The following SPINK9 variants were observed in gnomAD, a reference collection of about 807,000 sequenced individuals.
SPINK9 encodes serine peptidase inhibitor Kazal type 9.
A neutral mutation model predicts 10.8 loss-of-function variants in SPINK9; 3 were observed. That is an observed-to-expected ratio of 0.28 (90% confidence interval 0.13 to 0.72). The LOEUF (loss-of-function observed/expected upper bound fraction) is 0.72, where lower values mean the gene tolerates loss of function less well. Ranked by LOEUF, SPINK9 falls within the 30% of genes least tolerant of loss-of-function variation. The pLI is 0.74. For synonymous variants in SPINK9, 30 were observed against 31.2 expected, an observed-to-expected ratio of 0.96 and a Z score of 0.12; for missense variants, 101 against 103.2, an observed-to-expected ratio of 0.98 and a Z score of 0.09.
At chr5:148,335,215 C>G (rs1757200699), upstream of SPINK9, among the ~76,000 whole-genome samples, 1 of 152,156 alleles carries the variant, frequency 6.6e-6, no homozygotes, top group African/African-American at 2.4e-5. Flanking sequence ...ATTCAAATGA[C>G]TCATGGTTTA....
intron 2 of SPINK9, among the ~76,000 whole-genome samples, chr5:148,324,466 G>T (rs1020197641): frequency 1.3e-5 from 2 of 152,000 alleles, no homozygotes; most frequent in African/African-American, 4.8e-5. Context: ...ATTAATGATA[G>T]GCAAATCAAC....
At chr5:148,323,632 C>T in intron 1 of SPINK9, 2 of 526,026 alleles carry the variant, frequency 3.8e-6, no homozygotes. Flanking sequence ...AACTTGCCGT[C>T]ATATGAATGT....
At position 148,339,698 on chromosome 5, in the gene SPINK9, T is replaced by G; in HGVS notation, c.247T>G (p.Phe83Val). 1 of 1,612,600 alleles carries G rather than the reference T, an allele frequency of 6.2e-7. No individual in the cohort carries two copies. Among genetic ancestry groups the G allele is most frequent in the Non-Finnish European group, 8.5e-7 (1 of 1,179,118 alleles). ...KTDGTLKFVH[F>V]GKC ...TGACGGCACACTTAAATTTGTACATTTTGGAAAATGTTAAATCTATCTTGT... is the reference window on the plus strand; with the variant it reads ...TGACGGCACACTTAAATTTGTACATGTTGGAAAATGTTAAATCTATCTTGT... Residue 83 changes from phenylalanine to valine, a missense_variant, in exon 4 of 4, where the codon TTT becomes GTT. Transcript: ENST00000377906.
intron 2 of SPINK9, among the ~76,000 whole-genome samples, chr5:148,329,668 T>C (rs151082061): frequency 0.023 from 3,523 of 152,300 alleles, 149 homozygotes; most frequent in East Asian, 0.17. Flanking sequence ...CTCTACACAC[T>C]GCTTTGAATG....
intron 2 of SPINK9, among the ~76,000 whole-genome samples, chr5:148,337,851 T>A (rs1757236902): frequency 2.0e-5 from 3 of 152,164 alleles, no homozygotes; most frequent in Admixed American, 2.0e-4. Flanking sequence ...TGCTCATAGA[T>A]TTTTTAAAAA....
Position 148,339,774 on chromosome 5 carries a change from T to G in SPINK9, c.*62T>G. The G allele has an allele frequency of 7.2e-7, 1 of 1,393,890 alleles. No individual in the cohort carries two copies. Among genetic ancestry groups the G allele is most frequent in the Non-Finnish European group, 1.0e-6 (1 of 983,220 alleles). The allele number at this position is 1,393,890 out of a possible 1,614,324, so 86.3% of individuals were successfully genotyped here. A position where few individuals can be genotyped will look rare whatever the true frequency, so the allele number is the denominator to read the frequency against. On this transcript the variant is annotated 3_prime_UTR_variant, in exon 4 of 4. Coordinates refer to ENST00000377906, the MANE Select transcript of SPINK9 (RefSeq NM_001040433.2). ...CTATTCACAAGAGTCACATTTCTGT[T>G]CCCATATTATCTATGCCACATTGCC...
At chr5:148,335,345 A>AAGCTACC (rs1192246398), upstream of SPINK9, among the ~76,000 whole-genome samples, 1 of 152,228 alleles carries the variant, frequency 6.6e-6, no homozygotes, top group Non-Finnish European at 1.5e-5. Flanking sequence ...GTTCAAAGCA[A>AAGCTACC]AGCTACCATC....
intron 1 of SPINK9, among the ~76,000 whole-genome samples, chr5:148,321,630 T>A (rs148422916): frequency 4.8e-4 from 73 of 152,204 alleles, no homozygotes; most frequent in African/African-American, 1.7e-3. Flanking sequence ...TCAACATCAG[T>A]ATGGTATCAT....
At chr5:148,331,665 G>A (rs114175361), upstream of SPINK9, among the ~76,000 whole-genome samples, 1 of 152,080 alleles carries the variant, frequency 6.6e-6, no homozygotes, top group Admixed American at 6.5e-5. Flanking sequence ...TGAAGTGATT[G>A]ATATGTTAAC....
chr5:148,323,894 A>C (rs1371959152), intron 2 of SPINK9: 1 of 688,500 alleles, frequency 1.5e-6, no homozygotes, highest in Non-Finnish European at 2.6e-6. Context: ...AAGTAATTTA[A>C]TGTGTATCTA....
At chr5:148,325,501 T>C (rs1321509275) in intron 2 of SPINK9, among the ~76,000 whole-genome samples, 9 of 152,172 alleles carry the variant, frequency 5.9e-5, no homozygotes, top group Non-Finnish European at 1.3e-4. Flanking sequence ...TTGATTTTCA[T>C]GTCCCTAATA....
chr5:148,321,820 A>G (rs1167074463), intron 1 of SPINK9, among the ~76,000 whole-genome samples: 1 of 152,228 alleles, frequency 6.6e-6, no homozygotes, highest in Non-Finnish European at 1.5e-5. Context: ...ATTGCAGGAA[A>G]TAGTTTGCAG....
At chr5:148,334,696 G>C (rs1215396130), upstream of SPINK9, among the ~76,000 whole-genome samples, 1 of 151,732 alleles carries the variant, frequency 6.6e-6, no homozygotes, top group African/African-American at 2.4e-5. Flanking sequence ...AGGTGATAAA[G>C]CAAGACTCTG....
rs778803046 is a variant in SPINK9 at position 148,338,476 on chromosome 5, A to G, written c.88-2A>G. On this transcript the variant is annotated splice_acceptor_variant, in intron 2 of 3. Transcript: ENST00000377906. LOFTEE classifies it high-confidence loss of function. ...TTGAAGGTTTTTAATATGTTTTTTCAGGTTGACTGCAGTCATTATAAAAAG... is the reference window on the plus strand; with the variant it reads ...TTGAAGGTTTTTAATATGTTTTTTCGGGTTGACTGCAGTCATTATAAAAAG... 3 of 1,587,090 alleles carry G rather than the reference A, an allele frequency of 1.9e-6. No individual in the cohort carries two copies. The highest frequency in any genetic ancestry group is 2.7e-5 in the African/African-American group (2 of 73,018).
intron 3 of SPINK9, among the ~76,000 whole-genome samples, chr5:148,338,838 T>C (rs1173153843): frequency 6.6e-6 from 1 of 152,086 alleles, no homozygotes; most frequent in Non-Finnish European, 1.5e-5. Flanking sequence ...AAAGGAAATA[T>C]ATGGTCATCT....
chr5:148,324,351 T>G (rs939788218), intron 2 of SPINK9, among the ~76,000 whole-genome samples: 11 of 152,050 alleles, frequency 7.2e-5, no homozygotes, highest in Non-Finnish European at 1.2e-4. Context: ...TTACATAATC[T>G]CAAAGAATCT....
At chr5:148,323,676 A>T (rs1757023896) in intron 1 of SPINK9, 2 of 551,612 alleles carry the variant, frequency 3.6e-6, no homozygotes, top group East Asian at 6.1e-5. Context: ...TTACCTTTTG[A>T]AGGTTAGGTA....
chr5:148,321,383 G>C (rs540182481), exon 1 of SPINK9: 2 of 152,086 alleles, frequency 1.3e-5, no homozygotes, highest in Admixed American at 6.6e-5. Flanking sequence ...GAGCCGATGC[G>C]ATCAACTGGA....
intron 2 of SPINK9, 33 bp downstream of exon 2, chr5:148,336,486 T>A: frequency 6.3e-7 from 1 of 1,599,880 alleles, no homozygotes. Flanking sequence ...TATGTAATTT[T>A]AAAGTCAATA....
Sources: allele counts gnomAD v4.1 joint callset (sites outside exome capture counted in the v4.1 genomes callset), GRCh38; gene constraint gnomAD v4.1.1; transcripts MANE v1.5; gene names NCBI Gene and HGNC (gene_info 2026-07-23, HGNC 2026-07-21).